Variants in CNTNAP2 observed in about 807,000 individuals in gnomAD.
CNTNAP2 encodes the protein contactin-associated protein-like 2.
CNTNAP2 carries 98 observed loss-of-function variants against 155.2 expected under a neutral mutation model. The ratio of observed to expected loss-of-function variants is 0.63; its 90% CI spans 0.54 to 0.75. The LOEUF (loss-of-function observed/expected upper bound fraction) is 0.75. CNTNAP2 is among the 30% of genes least tolerant of loss of function. The probability of loss-of-function intolerance (pLI) is 0.00; values close to 1 mark genes in which losing one functional copy is unlikely to be tolerated. For missense variants in CNTNAP2, 1,727 were observed against 1,688.1 expected, an observed-to-expected ratio of 1.02 and a Z score of -0.40; for synonymous variants, 651 against 631.2, an observed-to-expected ratio of 1.03 and a Z score of -0.47.
chr7:147,608,505 T>C (rs556034509), intron 12 of CNTNAP2, among the ~76,000 whole-genome samples: 173 of 152,210 alleles, frequency 1.1e-3, no homozygotes, highest in African/African-American at 3.6e-3. Context: ...TCTCACCGTG[T>C]TTCCCAGGCT....
chr7:147,195,098 T>G (rs186061580), intron 8 of CNTNAP2, among the ~76,000 whole-genome samples: 2 of 152,202 alleles, frequency 1.3e-5, no homozygotes, highest in African/African-American at 2.4e-5. Flanking sequence ...AATTTTTGTA[T>G]AAGGTGTAAG....
At chr7:147,513,725 C>T (rs1373089664) in intron 11 of CNTNAP2, among the ~76,000 whole-genome samples, 1 of 152,260 alleles carries the variant, frequency 6.6e-6, no homozygotes, top group Non-Finnish European at 1.5e-5. Context: ...ACTTTAGAGA[C>T]ATAGCCTGCC....
chr7:148,363,847 G>GCGGCGCT (rs1798674540), intron 21 of CNTNAP2, among the ~76,000 whole-genome samples: 1 of 147,188 alleles, frequency 6.8e-6, no homozygotes, highest in South Asian at 2.1e-4. Context: ...CTGGGGCTGC[G>GCGGCGCT]TGCGGGCCAG....
At chr7:147,885,319 A>G (rs999638833) in intron 13 of CNTNAP2, among the ~76,000 whole-genome samples, 4 of 152,224 alleles carry the variant, frequency 2.6e-5, no homozygotes, top group Non-Finnish European at 5.9e-5. Flanking sequence ...TTAAGAAACC[A>G]AACTCAGCTT....
chr7:146,982,926 A>T (rs1798046641), intron 3 of CNTNAP2, among the ~76,000 whole-genome samples: 1 of 152,168 alleles, frequency 6.6e-6, no homozygotes, highest in Non-Finnish European at 1.5e-5. Flanking sequence ...GTATCCAGGG[A>T]TTATTTGCCT....
intron 1 of CNTNAP2, among the ~76,000 whole-genome samples, chr7:146,202,186 A>G (rs1324397473): frequency 3.9e-5 from 6 of 152,182 alleles, no homozygotes; most frequent in Non-Finnish European, 7.3e-5. Flanking sequence ...TTGAGTTGCC[A>G]TAGGCAAATT....
At chr7:146,617,219 C>A (rs1451774192) in intron 1 of CNTNAP2, among the ~76,000 whole-genome samples, 1 of 152,188 alleles carries the variant, frequency 6.6e-6, no homozygotes, top group African/African-American at 2.4e-5. Context: ...GGAAAGTCAT[C>A]TAGCTCTGGA....
chr7:146,412,990 G>C (rs1284150939), intron 1 of CNTNAP2, among the ~76,000 whole-genome samples: 1 of 152,132 alleles, frequency 6.6e-6, no homozygotes, highest in Non-Finnish European at 1.5e-5. Context: ...CCCTCAGTTA[G>C]AGTAGACCAC....
chr7:147,168,452 T>C (rs575678217), intron 8 of CNTNAP2, among the ~76,000 whole-genome samples: 5 of 152,156 alleles, frequency 3.3e-5, no homozygotes, highest in African/African-American at 1.2e-4. Flanking sequence ...ATTGCCTACT[T>C]TTTTCCTAAA....
intron 10 of CNTNAP2, among the ~76,000 whole-genome samples, chr7:147,450,743 T>A (rs1797817516): frequency 6.6e-6 from 1 of 152,228 alleles, no homozygotes; most frequent in Admixed American, 6.5e-5. Context: ...AGTAAATTAA[T>A]AAGCCAAAGT....
chr7:146,338,877 A>ATT (rs34908082), intron 1 of CNTNAP2, among the ~76,000 whole-genome samples: 3 of 149,012 alleles, frequency 2.0e-5, no homozygotes, highest in African/African-American at 7.6e-5. Flanking sequence ...TACAGAAAAG[A>ATT]TTTTTTTTTT....
intron 21 of CNTNAP2, among the ~76,000 whole-genome samples, chr7:148,382,063 G>A (rs979681375): frequency 2.0e-5 from 3 of 152,256 alleles, no homozygotes; most frequent in Non-Finnish European, 4.4e-5. Flanking sequence ...CCAATAGGGA[G>A]AAGGCACAGA....
rs376297524 is a variant in CNTNAP2 at position 147,335,204 on chromosome 7, T to C, written c.1498+34914T>C. 2.9e-3 allele frequency among the ~76,000 whole-genome samples: 445 copies of C among 152,282 alleles called. 1 individual carries two copies. Among genetic ancestry groups the C allele is most frequent in the African/African-American group, 0.01 (435 of 41,560 alleles). ...TTCTATGGTAGGATACTGTCTTAAATCTAATATACAAGCAAGGACTCATGC... is the reference window on the plus strand; with the variant it reads ...TTCTATGGTAGGATACTGTCTTAAACCTAATATACAAGCAAGGACTCATGC... On this transcript the variant is annotated intron_variant, in intron 9 of 23. Coordinates refer to ENST00000361727, the MANE Select transcript of CNTNAP2 (RefSeq NM_014141.6).
chr7:146,310,347 T>C (rs893279841), intron 1 of CNTNAP2, among the ~76,000 whole-genome samples: 4 of 152,192 alleles, frequency 2.6e-5, no homozygotes, highest in Non-Finnish European at 4.4e-5. Context: ...TAAGCTGATA[T>C]TGAATTTGTA....
chr7:146,793,975 G>T (rs1482795335), intron 2 of CNTNAP2, among the ~76,000 whole-genome samples: 1 of 152,178 alleles, frequency 6.6e-6, no homozygotes, highest in African/African-American at 2.4e-5. Flanking sequence ...AGATTATGTT[G>T]GGGTATGCTC....
chr7:148,168,463 C>T (rs988832188), intron 17 of CNTNAP2, among the ~76,000 whole-genome samples: 5 of 149,314 alleles, frequency 3.3e-5, no homozygotes, highest in African/African-American at 7.4e-5. Flanking sequence ...GTTGCAAGGA[C>T]GAAAAACCAA....
At chr7:148,362,855 TACA>T (rs1196745720) in intron 21 of CNTNAP2, among the ~76,000 whole-genome samples, 1 of 152,214 alleles carries the variant, frequency 6.6e-6, no homozygotes, top group Non-Finnish European at 1.5e-5. Context: ...TGGTGCAACT[TACA>T]ACATTTTTAC....
At chr7:147,265,407 T>C (rs377164458) in intron 8 of CNTNAP2, among the ~76,000 whole-genome samples, 31 of 152,042 alleles carry the variant, frequency 2.0e-4, no homozygotes, top group Non-Finnish European at 3.8e-4. Flanking sequence ...CCCAACTGCC[T>C]CTTTAGGACA....
intron 10 of CNTNAP2, among the ~76,000 whole-genome samples, chr7:147,474,372 TC>T (rs1172999326): frequency 1.4e-4 from 22 of 152,200 alleles, no homozygotes; most frequent in Admixed American, 1.3e-3. Flanking sequence ...GGTGGGCAGA[TC>T]ACCTGAGGTC....
Sources: allele counts gnomAD v4.1 joint callset (sites outside exome capture counted in the v4.1 genomes callset), GRCh38; gene constraint gnomAD v4.1.1; transcripts MANE v1.5; gene names NCBI Gene and HGNC (gene_info 2026-07-23, HGNC 2026-07-21).